The following MYBPC1 variants were observed in gnomAD, a reference collection of about 807,000 sequenced individuals.
The protein encoded by MYBPC1 is myosin-binding protein C, slow-type.
In MYBPC1, 52 loss-of-function variants were observed where a neutral mutation model predicts 147.1. The observed-to-expected ratio is 0.35, with a 90% CI of 0.28 to 0.45. The LOEUF is 0.45. Among genes scored for constraint, MYBPC1 ranks in the 20% least tolerant of loss-of-function variants. The pLI is 1.00. For missense variants in MYBPC1, 1,228 were observed against 1,440.3 expected (o/e 0.85, Z 2.39); for synonymous variants, 477 against 475.9 (o/e 1.00, Z -0.03).
chr12:101,676,391 A>T (rs1899995990), intron 26 of MYBPC1, among the ~76,000 whole-genome samples: 1 of 152,012 alleles, frequency 6.6e-6, no homozygotes, highest in South Asian at 2.1e-4. Flanking sequence ...GTGAGCTGAG[A>T]TTGTGCCACT....
chr12:101,657,498 A>G (rs763683562), intron 18 of MYBPC1, among the ~76,000 whole-genome samples: 1 of 152,218 alleles, frequency 6.6e-6, no homozygotes, highest in Non-Finnish European at 1.5e-5. Flanking sequence ...ATTAACAGAA[A>G]TGAAAGAGGG....
intron 22 of MYBPC1, chr12:101,666,497 C>G: frequency 2.1e-6 from 1 of 473,060 alleles, no homozygotes; most frequent in South Asian, 2.1e-5. Flanking sequence ...CTTCTCTATT[C>G]TTTTCTTTTT....
In MYBPC1 at chr12:101,675,295, G is replaced by T; in HGVS notation, c.2813G>T (p.Arg938Leu). Residue 938 changes from arginine (R) to leucine (L), a missense_variant, in exon 26 of 32, where the codon CGT becomes CTT. Arg to Leu is a moderately radical substitution (Grantham distance 102). Around this residue, in one of 2 missense-constraint regions of MYBPC1, gnomAD observed 1,077 missense variants for 1,314.2 expected, o/e 0.82. Transcript: ENST00000361466. ...ACACCATGAATTCATCCTGTAGACC[G>T]TCCAGGTCCACCCCAAATTGTGAAG... is the stretch of plus-strand genomic sequence containing the variant. ...TASIDIQIID[R>L]PGPPQIVKIE... 1 of 1,614,042 alleles carries T rather than the reference G, an allele frequency of 6.2e-7. No individual in the cohort carries two copies. The highest frequency in any genetic ancestry group is 8.5e-7 in the Non-Finnish European group (1 of 1,179,950).
At chr12:101,610,067 G>A (rs1026753252) in intron 1 of MYBPC1, among the ~76,000 whole-genome samples, 1 of 152,164 alleles carries the variant, frequency 6.6e-6, no homozygotes, top group Non-Finnish European at 1.5e-5. Context: ...GTTCCTTCAA[G>A]GTAAATGGGG....
chr12:101,596,320 G>T (rs1877212798), intron 1 of MYBPC1, among the ~76,000 whole-genome samples: 1 of 152,188 alleles, frequency 6.6e-6, no homozygotes, highest in Non-Finnish European at 1.5e-5. Context: ...CACACCAAAT[G>T]CATGTATTAA....
At chr12:101,655,271 G>T (rs1895342674) in intron 18 of MYBPC1, among the ~76,000 whole-genome samples, 1 of 152,136 alleles carries the variant, frequency 6.6e-6, no homozygotes, top group Non-Finnish European at 1.5e-5. Flanking sequence ...AGTGAAAAAA[G>T]TGAACTGAAA....
intron 28 of MYBPC1, among the ~76,000 whole-genome samples, chr12:101,678,841 T>G (rs1900686955): frequency 6.6e-6 from 1 of 152,180 alleles, no homozygotes; most frequent in African/African-American, 2.4e-5. Flanking sequence ...ATGAACTTCT[T>G]TTTTTCCTGT....
chr12:101,641,228 T>C (rs1891973021), intron 10 of MYBPC1, among the ~76,000 whole-genome samples: 1 of 152,086 alleles, frequency 6.6e-6, no homozygotes, highest in Non-Finnish European at 1.5e-5. Context: ...ATTTTCACAC[T>C]GATATATAAG....
At chr12:101,627,829 T>G (rs1888977103) in intron 5 of MYBPC1, 25 bp downstream of exon 5, 1 of 1,606,954 alleles carries the variant, frequency 6.2e-7, no homozygotes, top group African/African-American at 1.3e-5. Flanking sequence ...AGAGAAGGCA[T>G]CCTGACCTCA....
chr12:101,625,813 C>T (rs574844493), intron 3 of MYBPC1, among the ~76,000 whole-genome samples: 2 of 152,134 alleles, frequency 1.3e-5, no homozygotes, highest in African/African-American at 2.4e-5. Context: ...CTGCCAGGCG[C>T]GGTGGCTCAC....
intron 3 of MYBPC1, among the ~76,000 whole-genome samples, chr12:101,625,638 C>T (rs1182787636): frequency 4.6e-5 from 7 of 152,138 alleles, no homozygotes; most frequent in African/African-American, 7.2e-5. Context: ...GAAACAATAC[C>T]GACGTTCTTT....
At chr12:101,605,220 G>C (rs190285270) in intron 1 of MYBPC1, among the ~76,000 whole-genome samples, 22 of 152,292 alleles carry the variant, frequency 1.4e-4, no homozygotes, top group Admixed American at 1.4e-3. Flanking sequence ...TTGCCCTTTT[G>C]TCTCTATTAT....
intron 22 of MYBPC1, 75 bp downstream of exon 22, chr12:101,663,635 TC>T: frequency 6.6e-7 from 1 of 1,516,424 alleles, no homozygotes; most frequent in Non-Finnish European, 9.0e-7. Context: ...CTTTTGTCTC[TC>T]TTTCTTGAGA....
intron 3 of MYBPC1, among the ~76,000 whole-genome samples, chr12:101,625,721 G>T (rs1224931352): frequency 6.6e-6 from 1 of 152,176 alleles, no homozygotes. Context: ...AGATGGTGTT[G>T]GGTTAGGCTG....
chr12:101,682,777 T>C, intron 30 of MYBPC1, 115 bp downstream of exon 30: 1 of 964,342 alleles, frequency 1.0e-6, no homozygotes, highest in Non-Finnish European at 1.6e-6. Flanking sequence ...TTGTACCCCT[T>C]AGCAGCTCAT....
At chr12:101,676,643 C>G (rs113806883) in intron 26 of MYBPC1, among the ~76,000 whole-genome samples, 3 of 151,448 alleles carry the variant, frequency 2.0e-5, no homozygotes, top group Non-Finnish European at 4.4e-5. Context: ...CCCAGTTACT[C>G]GGGAGGCTGA....
chr12:101,600,096 G>A (rs1007195728), intron 1 of MYBPC1, among the ~76,000 whole-genome samples: 4 of 152,154 alleles, frequency 2.6e-5, no homozygotes, highest in Non-Finnish European at 5.9e-5. Flanking sequence ...TTCTCACCCA[G>A]TAAATCTAAA....
At chr12:101,629,170 A>G (rs1889277817) in intron 5 of MYBPC1, 1 of 454,938 alleles carries the variant, frequency 2.2e-6, no homozygotes, top group Admixed American at 3.4e-5. Flanking sequence ...CAAAGAGAGA[A>G]TAACAGCTTA....
intron 28 of MYBPC1, 37 bp from the exon 29 acceptor site, chr12:101,680,306 T>C (rs978775812): frequency 2.5e-6 from 4 of 1,588,782 alleles, no homozygotes; most frequent in Non-Finnish European, 2.6e-6. Context: ...CAATTACAGA[T>C]ATGTTTTGAC....
Sources: allele counts gnomAD v4.1 joint callset (sites outside exome capture counted in the v4.1 genomes callset), GRCh38; gene constraint gnomAD v4.1.1; regional missense constraint gnomAD v4.1.1; transcripts MANE v1.5; gene names NCBI Gene and HGNC (gene_info 2026-07-23, HGNC 2026-07-21).